Variants in NAALADL2 observed in about 807,000 individuals in gnomAD.
The protein encoded by NAALADL2 is N-acetylated alpha-linked acidic dipeptidase like 2, also known as inactive N-acetylated-alpha-linked acidic dipeptidase-like protein 2.
NAALADL2 carries 76 observed loss-of-function variants against 87.2 expected under a neutral mutation model. That is an observed-to-expected ratio of 0.87 (90% confidence interval 0.72 to 1.05). The LOEUF (loss-of-function observed/expected upper bound fraction) is 1.05. Ranked by LOEUF, NAALADL2 falls within the 50% of genes least tolerant of loss-of-function variation. NAALADL2 has a pLI of 0.00. For synonymous variants in NAALADL2, 354 were observed against 331.0 expected, an observed-to-expected ratio of 1.07 and a Z score of -0.75; for missense variants, 1,089 against 945.8, an observed-to-expected ratio of 1.15 and a Z score of -1.99.
At chr3:175,619,567 G>T (rs1256925436) in intron 10 of NAALADL2, among the ~76,000 whole-genome samples, 1 of 151,526 alleles carries the variant, frequency 6.6e-6, no homozygotes, top group East Asian at 1.9e-4. Flanking sequence ...ACAAGGGAAA[G>T]AAAACTCTCA....
chr3:174,532,702 G>A (rs1024677592), intron 1 of NAALADL2, among the ~76,000 whole-genome samples: 1 of 152,094 alleles, frequency 6.6e-6, no homozygotes, highest in African/African-American at 2.4e-5. Flanking sequence ...GAATTTCCAC[G>A]TTTCTTTTTT....
chr3:174,669,049 G>A (rs1034292626), intron 2 of NAALADL2, among the ~76,000 whole-genome samples: 3 of 152,006 alleles, frequency 2.0e-5, no homozygotes, highest in Non-Finnish European at 4.4e-5. Context: ...GTGTAAAAGT[G>A]TTCCAATTTC....
intron 4 of NAALADL2, among the ~76,000 whole-genome samples, chr3:175,280,571 G>C (rs1190700565): frequency 6.6e-6 from 1 of 152,062 alleles, no homozygotes; most frequent in Non-Finnish European, 1.5e-5. Context: ...TGGAGATGCT[G>C]CTTGAAGTAC....
At chr3:174,538,776 C>T (rs535144154) in intron 1 of NAALADL2, among the ~76,000 whole-genome samples, 1 of 152,258 alleles carries the variant, frequency 6.6e-6, no homozygotes, top group African/African-American at 2.4e-5. Flanking sequence ...TTTGGATAAA[C>T]TCTTTCAACC....
chr3:175,457,176 C>T (rs573917391), intron 6 of NAALADL2, among the ~76,000 whole-genome samples: 3 of 152,044 alleles, frequency 2.0e-5, no homozygotes, highest in Non-Finnish European at 4.4e-5. Context: ...ATTCACCCTA[C>T]ATCAAATGTT....
intron 2 of NAALADL2, among the ~76,000 whole-genome samples, chr3:174,679,095 G>A (rs983408909): frequency 2.6e-5 from 4 of 152,102 alleles, no homozygotes; most frequent in African/African-American, 9.7e-5. Context: ...TCTTTGATGA[G>A]TTCTGATAAA....
chr3:175,279,455 T>C (rs560544755), intron 4 of NAALADL2, among the ~76,000 whole-genome samples: 396 of 152,172 alleles, frequency 2.6e-3, no homozygotes, highest in Non-Finnish European at 3.5e-3. Flanking sequence ...ATGCTTTTGG[T>C]TGAAAATATA....
chr3:174,554,197 A>T (rs1005545193), intron 2 of NAALADL2, among the ~76,000 whole-genome samples: 1 of 152,120 alleles, frequency 6.6e-6, no homozygotes, highest in African/African-American at 2.4e-5. Context: ...ACCACCCATT[A>T]TGTGTACTTA....
At chr3:174,912,432 T>A (rs1418414632) in intron 1 of NAALADL2, among the ~76,000 whole-genome samples, 6 of 152,164 alleles carry the variant, frequency 3.9e-5, no homozygotes, top group Non-Finnish European at 8.8e-5. Flanking sequence ...AGAAAACGTT[T>A]GTAAATCGTC....
chr3:175,759,453 G>A (rs915465489), intron 13 of NAALADL2, among the ~76,000 whole-genome samples: 1 of 152,000 alleles, frequency 6.6e-6, no homozygotes, highest in African/African-American at 2.4e-5. Flanking sequence ...CACCTCCGGG[G>A]TTCAAGCGAT....
intron 2 of NAALADL2, among the ~76,000 whole-genome samples, chr3:175,138,972 A>G (rs998440752): frequency 2.1e-5 from 3 of 143,766 alleles, no homozygotes; most frequent in Non-Finnish European, 4.5e-5. Context: ...TTTTACAAAT[A>G]TCTTTTCAAG....
At chr3:175,586,745 A>G (rs1720591753) in intron 10 of NAALADL2, among the ~76,000 whole-genome samples, 1 of 152,340 alleles carries the variant, frequency 6.6e-6, no homozygotes, top group Admixed American at 6.5e-5. Context: ...GAAATTTTAC[A>G]TATACTACAT....
chr3:174,760,842 C>T (rs1292220025), intron 3 of NAALADL2, among the ~76,000 whole-genome samples: 8 of 152,174 alleles, frequency 5.3e-5, no homozygotes, highest in Admixed American at 5.2e-4. Flanking sequence ...GGTTCAATTA[C>T]CTTAGTTGTT....
intron 1 of NAALADL2, among the ~76,000 whole-genome samples, chr3:175,015,473 T>G (rs187761387): frequency 1.3e-5 from 2 of 152,144 alleles, no homozygotes; most frequent in East Asian, 3.8e-4. Context: ...GACTTTTTTT[T>G]ATCTTCTTGC....
intron 11 of NAALADL2, among the ~76,000 whole-genome samples, chr3:175,640,860 T>C (rs1488622347): frequency 6.6e-6 from 1 of 152,104 alleles, no homozygotes; most frequent in East Asian, 1.9e-4. Flanking sequence ...AATTACAATA[T>C]GGTTTAATTT....
At chr3:175,400,281 G>A (rs1348173186) in intron 5 of NAALADL2, among the ~76,000 whole-genome samples, 1 of 152,058 alleles carries the variant, frequency 6.6e-6, no homozygotes, top group Non-Finnish European at 1.5e-5. Context: ...ATTACTGTCA[G>A]TCTTTCCCAG....
At chr3:175,104,792 C>T (rs1722816125) in intron 2 of NAALADL2, among the ~76,000 whole-genome samples, 1 of 152,058 alleles carries the variant, frequency 6.6e-6, no homozygotes, top group African/African-American at 2.4e-5. Context: ...GTTGATCTCT[C>T]CAGATAACAA....
chr3:175,358,400 T>C (rs1222478053), intron 5 of NAALADL2, among the ~76,000 whole-genome samples: 1 of 152,074 alleles, frequency 6.6e-6, no homozygotes, highest in Non-Finnish European at 1.5e-5. Context: ...AATTACTGGA[T>C]TAAGAAGCCA....
rs549456564 is a variant in NAALADL2 at position 175,708,010 on chromosome 3, AAAAC to A, written c.1897-29287_1897-29284del. On this transcript the variant is annotated intron_variant, in intron 11 of 13. Coordinates refer to ENST00000454872, the MANE Select transcript of NAALADL2 (RefSeq NM_207015.3). ...CCGAACTGAAGACATGGGGGAAAAAAAAACAAACAAACGAACAAACAACATTTCA... is the reference window on the plus strand; with the variant it reads ...CCGAACTGAAGACATGGGGGAAAAAAAAACAAACGAACAAACAACATTTCA... Among the ~76,000 whole-genome samples, 83 of 152,180 alleles carry A rather than the reference AAAAC, an allele frequency of 5.5e-4. No homozygotes were observed. In the East Asian group the frequency reaches 0.012, roughly 23 times the overall value.
Sources: allele counts gnomAD v4.1 joint callset (sites outside exome capture counted in the v4.1 genomes callset), GRCh38; gene constraint gnomAD v4.1.1; transcripts MANE v1.5; gene names NCBI Gene and HGNC (gene_info 2026-07-23, HGNC 2026-07-21).